Variants in PKIA observed in about 807,000 individuals in gnomAD.
PKIA encodes the protein cAMP-dependent protein kinase inhibitor alpha.
Under a neutral mutation model 7.6 loss-of-function variants are expected in PKIA, and 4 were observed. The ratio of observed to expected loss-of-function variants is 0.52; its 90% CI spans 0.26 to 1.20. The LOEUF (loss-of-function observed/expected upper bound fraction) is 1.20, where lower values mean the gene tolerates loss of function less well. PKIA is among the 50% of genes most tolerant of loss of function. PKIA has a pLI of 0.13. For synonymous variants in PKIA, 21 were observed against 30.7 expected (o/e 0.68, Z 1.04); for missense variants, 73 against 86.2 (o/e 0.85, Z 0.61).
intron 2 of PKIA, among the ~76,000 whole-genome samples, chr8:78,593,649 A>T (rs1189732479): frequency 6.6e-6 from 1 of 152,228 alleles, no homozygotes; most frequent in Non-Finnish European, 1.5e-5. Flanking sequence ...AATAACACTG[A>T]ATTATTCCAA....
intron 1 of PKIA, among the ~76,000 whole-genome samples, chr8:78,561,667 A>G (rs1807289916): frequency 6.6e-6 from 1 of 152,140 alleles, no homozygotes; most frequent in Non-Finnish European, 1.5e-5. Flanking sequence ...GTTGGTACTG[A>G]TGTCAAACTT....
At chr8:78,554,495 T>C (rs1160084265) in intron 1 of PKIA, among the ~76,000 whole-genome samples, 1 of 152,022 alleles carries the variant, frequency 6.6e-6, no homozygotes. Context: ...GTTGAAGGCC[T>C]TGCACATTTA....
intron 2 of PKIA, among the ~76,000 whole-genome samples, chr8:78,594,083 G>C (rs1808170028): frequency 6.6e-6 from 1 of 152,194 alleles, no homozygotes; most frequent in Non-Finnish European, 1.5e-5. Flanking sequence ...AATCTATTGA[G>C]AAGGAGAAGT....
intron 1 of PKIA, chr8:78,558,286 C>G (rs1406990320): frequency 6.6e-6 from 1 of 152,196 alleles, no homozygotes; most frequent in Non-Finnish European, 1.5e-5. Context: ...AAACCCAGGT[C>G]AGTTTCAGGC....
At chr8:78,548,313 C>T (rs1806886345) in intron 1 of PKIA, among the ~76,000 whole-genome samples, 1 of 152,006 alleles carries the variant, frequency 6.6e-6, no homozygotes, top group Non-Finnish European at 1.5e-5. Context: ...TCATGATCTC[C>T]TAGTGTAATT....
intron 1 of PKIA, among the ~76,000 whole-genome samples, chr8:78,568,878 G>A (rs1194134366): frequency 6.6e-6 from 1 of 152,144 alleles, no homozygotes; most frequent in Admixed American, 6.5e-5. Flanking sequence ...ACCAGGTAAG[G>A]AGTTGATCGT....
chr8:78,546,103 T>C (rs982842980), intron 1 of PKIA, among the ~76,000 whole-genome samples: 7 of 152,174 alleles, frequency 4.6e-5, no homozygotes, highest in African/African-American at 1.7e-4. Context: ...GAAGAGTGAA[T>C]GAAATCCATG....
In PKIA at chr8:78,604,293, A is replaced by G. The variant is rs150069038; in HGVS notation, c.*2472A>G. 2.0e-5 allele frequency: 3 copies of G among 152,072 alleles called. No homozygotes were observed. Among genetic ancestry groups the G allele is most frequent in the East Asian group, 3.9e-4 (2 of 5,172 alleles). 9.4% of individuals were successfully genotyped at this position (152,072 alleles called of 1,614,324 possible). A position where few individuals can be genotyped will look rare whatever the true frequency, so the allele number is the denominator to read the frequency against. The stretch of plus-strand genomic sequence containing the variant: ...TCTATTAGAGTGGTATTTTTATCCA[A>G]TTTCACAGATTAAAATATAAGCACT... On this transcript the variant is annotated 3_prime_UTR_variant, in exon 4 of 4. Coordinates refer to ENST00000396418, the MANE Select transcript of PKIA (RefSeq NM_006823.4).
chr8:78,551,372 C>T (rs1253965372), intron 1 of PKIA, among the ~76,000 whole-genome samples: 2 of 151,922 alleles, frequency 1.3e-5, no homozygotes, highest in African/African-American at 2.4e-5. Context: ...AATAGTCCTT[C>T]GTCTGGAAGA....
chr8:78,585,979 T>A (rs1174677616), intron 2 of PKIA, among the ~76,000 whole-genome samples: 1 of 152,166 alleles, frequency 6.6e-6, no homozygotes, highest in Non-Finnish European at 1.5e-5. Context: ...GAAATCTAGA[T>A]GCAATTCTAA....
intron 2 of PKIA, among the ~76,000 whole-genome samples, chr8:78,576,169 T>C (rs1349718934): frequency 6.6e-6 from 1 of 152,066 alleles, no homozygotes; most frequent in Non-Finnish European, 1.5e-5. Flanking sequence ...CTTCAACATA[T>C]GAATTTCTGG....
intron 2 of PKIA, among the ~76,000 whole-genome samples, chr8:78,575,090 G>A (rs895923556): frequency 3.3e-5 from 5 of 151,816 alleles, no homozygotes; most frequent in African/African-American, 9.7e-5. Context: ...TCGGTAACCG[G>A]GAAATTTTTA....
chr8:78,604,523 C>T lies in PKIA; in HGVS notation c.*2702C>T, dbSNP rs931916572. On this transcript the variant is annotated 3_prime_UTR_variant, in exon 4 of 4. Transcript: ENST00000396418. ...ACTGAATCCCAGAAGGAGAAATTGC[C>T]GTTCTCAAGGCTCCCTGGATGGGTA... 33 of 151,896 alleles carry T rather than the reference C, an allele frequency of 2.2e-4. 1 individual carries two copies. The highest frequency in any genetic ancestry group is 6.8e-4 in the African/African-American group (28 of 41,466). 9.4% of individuals were successfully genotyped at this position (151,896 alleles called of 1,614,324 possible).
rs1808412113 is a variant in PKIA, at chr8:78,603,827, A to G, written c.*2006A>G. The G allele has an allele frequency of 6.6e-6, 1 of 151,988 alleles. No homozygotes were observed. Among genetic ancestry groups the G allele is most frequent in the Non-Finnish European group, 1.5e-5 (1 of 67,956 alleles). The allele number at this position is 151,988 out of a possible 1,614,324, so 9.4% of individuals were successfully genotyped here. On this transcript the variant is annotated 3_prime_UTR_variant, in exon 4 of 4. Transcript: ENST00000396418. The stretch of plus-strand genomic sequence containing the variant: ...TTTATGTGATTTTGAAAAGTTTAGA[A>G]CCAGTGCTGAGTCTATGTGGAGGGT...
chr8:78,556,346 T>G (rs1289068371), intron 1 of PKIA, among the ~76,000 whole-genome samples: 1 of 152,116 alleles, frequency 6.6e-6, no homozygotes, highest in Non-Finnish European at 1.5e-5. Flanking sequence ...GAATTAGTAT[T>G]TAGTAGTAGT....
chr8:78,570,899 G>A (rs1807531512), intron 1 of PKIA, among the ~76,000 whole-genome samples: 2 of 152,010 alleles, frequency 1.3e-5, no homozygotes, highest in African/African-American at 2.4e-5. Flanking sequence ...GCCTTCTATA[G>A]GAAGACCTGC....
At chr8:78,595,488 T>A (rs978260730) in intron 2 of PKIA, among the ~76,000 whole-genome samples, 1 of 152,206 alleles carries the variant, frequency 6.6e-6, no homozygotes, top group Non-Finnish European at 1.5e-5. Context: ...GTTTGTTACA[T>A]GAATAAATTG....
At chr8:78,540,660 G>A (rs1479825285) in intron 1 of PKIA, among the ~76,000 whole-genome samples, 1 of 151,822 alleles carries the variant, frequency 6.6e-6, no homozygotes, top group East Asian at 1.9e-4. Context: ...GAGGGGGTGG[G>A]GCAGGGACTT....
At chr8:78,542,407 A>G (rs954775830) in intron 1 of PKIA, among the ~76,000 whole-genome samples, 6 of 152,048 alleles carry the variant, frequency 3.9e-5, no homozygotes, top group African/African-American at 1.4e-4. Flanking sequence ...ATAACTTCAT[A>G]TGTCATCCAC....
Sources: gnomAD v4.1 joint callset for allele counts (sites outside exome capture counted in the v4.1 genomes callset) on GRCh38, gnomAD v4.1.1 for gene constraint, MANE v1.5 for transcripts, NCBI Gene and HGNC (gene_info 2026-07-23, HGNC 2026-07-21) for gene names.